The following IL1RL1 variants were observed in gnomAD, a reference collection of about 807,000 sequenced individuals.
IL1RL1 encodes interleukin-1 receptor-like 1.
IL1RL1 carries 32 observed loss-of-function variants against 50.9 expected under a neutral mutation model. That is an observed-to-expected ratio of 0.63 (90% confidence interval 0.47 to 0.84). IL1RL1 has a LOEUF of 0.84. IL1RL1 is among the 40% of genes least tolerant of loss of function. The pLI is 0.00. For synonymous variants in IL1RL1, 275 were observed against 236.0 expected (o/e 1.17, Z -1.51); for missense variants, 773 against 662.9 (o/e 1.17, Z -1.82).
rs757400158 is a variant in IL1RL1, at chr2:102,351,840, C to A, written c.1590C>A (p.His530Gln). 3.1e-6 allele frequency: 5 copies of A among 1,613,790 alleles called. No individual in the cohort carries two copies. Among genetic ancestry groups the A allele is most frequent in the South Asian group, 2.2e-5 (2 of 91,090 alleles). The change falls in exon 11 of 11, where the codon CAC (histidine) becomes CAA (glutamine). Residue 530 changes from histidine (H) to glutamine (Q), a missense_variant. By Grantham distance (24) the His-to-Gln change is conservative (BLOSUM62 0). Coordinates refer to ENST00000233954, the MANE Select transcript of IL1RL1 (RefSeq NM_016232.5). Reference sequence around the variant, plus strand: ...CCCTGAATTCTAAATTCTGGAAGCACGTGAGGTACCAAATGCCTGTGCCAA... The same window carrying A: ...CCCTGAATTCTAAATTCTGGAAGCAAGTGAGGTACCAAATGCCTGTGCCAA... ...KRSLNSKFWK[H>Q]VRYQMPVPSK...
At position 102,338,906 on chromosome 2, in the gene IL1RL1, A is replaced by G; in HGVS notation, c.131A>G (p.Tyr44Cys). The G allele has an allele frequency of 6.2e-7, 1 of 1,613,886 alleles. No homozygotes were observed. The highest frequency in any genetic ancestry group is 8.5e-7 in the Non-Finnish European group (1 of 1,179,794). The change falls in exon 3 of 11, where the codon TAC (tyrosine) becomes TGC (cysteine). Residue 44 changes from tyrosine to cysteine, a missense_variant. By Grantham distance (194) the Tyr-to-Cys change is radical (BLOSUM62 -2). Transcript: ENST00000233954. ...VRCPRQGKPSYTVDWYYSQTN... is the reference protein window; with the variant it reads ...VRCPRQGKPSCTVDWYYSQTN... ...TGTCCTAGACAAGGAAAACCTAGTT[A>G]CACCGTGGATTGGTATTACTCACAA...
chr2:102,345,672 T>G, intron 8 of IL1RL1: 1 of 985,430 alleles, frequency 1.0e-6, no homozygotes, highest in Non-Finnish European at 1.2e-6. Context: ...AATTTTGACT[T>G]TAACCCCTGA....
intron 1 of IL1RL1, among the ~76,000 whole-genome samples, chr2:102,328,350 G>T (rs543919624): frequency 6.6e-6 from 1 of 151,916 alleles, no homozygotes; most frequent in African/African-American, 2.4e-5. Flanking sequence ...TTGATGGGAC[G>T]TATCTCAAAA....
At chr2:102,338,452 T>C in intron 2 of IL1RL1, 127 bp downstream of exon 2, 1 of 548,656 alleles carries the variant, frequency 1.8e-6, no homozygotes, top group Non-Finnish European at 3.2e-6. Context: ...AATATATTGC[T>C]TTTGTACAAT....
At chr2:102,352,054 C>A, downstream of IL1RL1, 1 of 944,150 alleles carries the variant, frequency 1.1e-6, no homozygotes, top group Non-Finnish European at 1.6e-6. Flanking sequence ...CATCTGGTAA[C>A]TTTCCTTCCA....
chr2:102,331,885 T>C (rs1677187812), intron 1 of IL1RL1, among the ~76,000 whole-genome samples: 1 of 151,950 alleles, frequency 6.6e-6, no homozygotes, highest in Non-Finnish European at 1.5e-5. Context: ...TTTGGCAATA[T>C]GGTGAAACCC....
chr2:102,338,204 G>T lies in IL1RL1; in HGVS notation c.-61G>T. 5 of 1,104,084 alleles carry T rather than the reference G, an allele frequency of 4.5e-6. No homozygotes were observed. In the South Asian group the frequency reaches 6.5e-5, roughly 14 times the overall value. The allele number at this position is 1,104,084 out of a possible 1,614,324, so 68.4% of individuals were successfully genotyped here. On this transcript the variant is annotated 5_prime_UTR_variant, in exon 2 of 11. Coordinates refer to ENST00000233954, the MANE Select transcript of IL1RL1 (RefSeq NM_016232.5). ...GTGACCTTCACTGTCGTATGCCAGTGACTCATCTGGAGTAATCTCAACAAC... is the reference window on the plus strand; with the variant it reads ...GTGACCTTCACTGTCGTATGCCAGTTACTCATCTGGAGTAATCTCAACAAC...
At chr2:102,333,629 G>A (rs1677231946) in intron 1 of IL1RL1, among the ~76,000 whole-genome samples, 1 of 152,010 alleles carries the variant, frequency 6.6e-6, no homozygotes, top group African/African-American at 2.4e-5. Context: ...AGATTCTAAG[G>A]TACATGTACT....
chr2:102,336,240 C>A (rs998553718), intron 1 of IL1RL1, among the ~76,000 whole-genome samples: 1 of 152,136 alleles, frequency 6.6e-6, no homozygotes, highest in Non-Finnish European at 1.5e-5. Flanking sequence ...TCTGACTTCA[C>A]CCCTTAATGT....
At chr2:102,332,421 G>A (rs1052121552) in intron 1 of IL1RL1, among the ~76,000 whole-genome samples, 1 of 152,164 alleles carries the variant, frequency 6.6e-6, no homozygotes, top group African/African-American at 2.4e-5. Flanking sequence ...ATTAAGGGAT[G>A]AATGGATAAA....
intron 1 of IL1RL1, among the ~76,000 whole-genome samples, chr2:102,316,392 T>C (rs1676674204): frequency 6.6e-6 from 1 of 152,188 alleles, no homozygotes; most frequent in Non-Finnish European, 1.5e-5. Context: ...CTGGTGGGCA[T>C]AGATATTCTC....
In IL1RL1 at chr2:102,340,141, A is replaced by G. The variant is rs1327335951; in HGVS notation, c.316A>G (p.Lys106Glu). Residue 106 changes from lysine (K) to glutamate (E), a missense_variant, in exon 4 of 11, where the codon AAA (lysine) becomes GAA (glutamate). Physicochemically the swap from Lys to Glu is moderately conservative, Grantham distance 56 (BLOSUM62 1). Transcript: ENST00000233954. ...TGGATATGCGAATGTCACCATATAT[A>G]AAAAACAATCAGATTGCAATGTTCC... The part of the protein sequence containing the change: ...RTGYANVTIY[K>E]KQSDCNVPDY... 1 of 1,585,614 alleles carries G rather than the reference A, an allele frequency of 6.3e-7. No homozygotes were observed. The highest frequency in any genetic ancestry group is 1.1e-5 in the South Asian group (1 of 87,096).
intron 1 of IL1RL1, among the ~76,000 whole-genome samples, chr2:102,332,367 G>T (rs900925186): frequency 6.6e-6 from 1 of 152,146 alleles, no homozygotes; most frequent in Non-Finnish European, 1.5e-5. Context: ...ACCGATAGCA[G>T]CATTATTCAA....
intron 1 of IL1RL1, among the ~76,000 whole-genome samples, chr2:102,333,875 A>G (rs1388934271): frequency 6.6e-6 from 1 of 152,132 alleles, no homozygotes; most frequent in Admixed American, 6.5e-5. Context: ...ACTTAAGATA[A>G]TGGTCTCCAG....
chr2:102,334,722 A>G (rs11891827), intron 1 of IL1RL1, among the ~76,000 whole-genome samples: 15,799 of 151,572 alleles, frequency 0.1, 872 homozygotes, highest in Non-Finnish European at 0.13. Flanking sequence ...AGAGCAGGCC[A>G]CACATGGCCA....
intron 1 of IL1RL1, among the ~76,000 whole-genome samples, chr2:102,312,621 G>T (rs1398921445): frequency 6.6e-6 from 1 of 152,030 alleles, no homozygotes; most frequent in Non-Finnish European, 1.5e-5. Context: ...AGGAAGCAGG[G>T]TCATACCCAT....
At chr2:102,343,629 C>A (rs1217317737) in intron 8 of IL1RL1, 9 of 1,435,424 alleles carry the variant, frequency 6.3e-6, no homozygotes, top group Non-Finnish European at 7.3e-6. Flanking sequence ...TCGTCCTCCC[C>A]CACTCCCTCC....
chr2:102,311,777 T>C (rs1299482649), intron 1 of IL1RL1, among the ~76,000 whole-genome samples, 154 bp downstream of exon 1: 3 of 117,006 alleles, frequency 2.6e-5, no homozygotes, highest in Non-Finnish European at 5.0e-5. Context: ...TAATATATAA[T>C]TGTTATAACA....
At chr2:102,332,503 C>CA (rs1677203843) in intron 1 of IL1RL1, among the ~76,000 whole-genome samples, 1 of 152,088 alleles carries the variant, frequency 6.6e-6, no homozygotes, top group Non-Finnish European at 1.5e-5. Flanking sequence ...ACCCATGCTA[C>CA]AATATGAACA....
Sources: gnomAD v4.1 joint callset for allele counts (sites outside exome capture counted in the v4.1 genomes callset) on GRCh38, gnomAD v4.1.1 for gene constraint, MANE v1.5 for transcripts, NCBI Gene and HGNC (gene_info 2026-07-23, HGNC 2026-07-21) for gene names.